MTMR7: variants seen among roughly 807,000 people sequenced by gnomAD.
MTMR7 encodes the protein myotubularin related protein 7, also known as phosphatidylinositol-3-phosphate phosphatase MTMR7.
MTMR7 carries 76 observed loss-of-function variants against 81.2 expected under a neutral mutation model. The observed-to-expected ratio is 0.94, with a 90% confidence interval of 0.78 to 1.13. The LOEUF is 1.13. Among genes scored for constraint, MTMR7 ranks in the 50% most tolerant of loss-of-function variants. The pLI is 0.00. For synonymous variants in MTMR7, 372 were observed against 289.8 expected, an observed-to-expected ratio of 1.28 and a Z score of -2.88; for missense variants, 1,044 against 820.0, an observed-to-expected ratio of 1.27 and a Z score of -3.34.
chr8:17,341,118 C>A (rs942720795), intron 6 of MTMR7, among the ~76,000 whole-genome samples: 9 of 152,212 alleles, frequency 5.9e-5, no homozygotes, highest in African/African-American at 1.9e-4. Flanking sequence ...TTTGGGTGCC[C>A]CTGTGTGCCC....
chr8:17,327,767 A>G (rs1465066100), intron 7 of MTMR7, among the ~76,000 whole-genome samples: 4 of 152,208 alleles, frequency 2.6e-5, no homozygotes, highest in African/African-American at 9.6e-5. Context: ...TAATTTGTAA[A>G]AAATTGGGTG....
chr8:17,315,875 GA>G (rs1209036065), intron 7 of MTMR7, among the ~76,000 whole-genome samples: 7 of 152,128 alleles, frequency 4.6e-5, no homozygotes, highest in Non-Finnish European at 8.8e-5. Flanking sequence ...GAGCGAGACT[GA>G]GTGGCACATG....
intron 4 of MTMR7, among the ~76,000 whole-genome samples, chr8:17,360,529 G>C (rs1442875080): frequency 6.7e-6 from 1 of 149,334 alleles, no homozygotes; most frequent in African/African-American, 2.5e-5. Context: ...CATTACTTTT[G>C]TTACTCAAAT....
chr8:17,352,430 A>G (rs1489574358), intron 4 of MTMR7, among the ~76,000 whole-genome samples: 1 of 152,228 alleles, frequency 6.6e-6, no homozygotes, highest in African/African-American at 2.4e-5. Flanking sequence ...CATATCTTGT[A>G]CTATATAAAA....
chr8:17,357,583 G>A (rs1186062012), intron 4 of MTMR7, among the ~76,000 whole-genome samples: 1 of 152,092 alleles, frequency 6.6e-6, no homozygotes, highest in Non-Finnish European at 1.5e-5. Flanking sequence ...ACAAAATGAT[G>A]TCGAGCAAAA....
rs577460019 is a variant in MTMR7, at chr8:17,341,930, T to C, written c.598-433A>G. Among the ~76,000 whole-genome samples the C allele has an allele frequency of 9.2e-5, 14 of 152,150 alleles. No individual in the cohort carries two copies. The South Asian group carries it at 2.7e-3, about 29-fold the overall frequency. On this transcript the variant is annotated intron_variant, in intron 5 of 13. Transcript: ENST00000180173. ...TAATGCTTTCCAACCTTTTTTTTTT[T>C]TAAACTAGCCCATCTAGAAACATCA...
chr8:17,315,423 A>G (rs55923541), intron 7 of MTMR7, among the ~76,000 whole-genome samples: 3,184 of 152,248 alleles, frequency 0.021, 136 homozygotes, highest in African/African-American at 0.073. Context: ...ACGTGTCAAA[A>G]CCCACAGAAT....
chr8:17,370,969 A>C, intron 3 of MTMR7, 68 bp downstream of exon 3: 2 of 1,512,048 alleles, frequency 1.3e-6, no homozygotes, highest in Non-Finnish European at 1.8e-6. Flanking sequence ...CACCATACAA[A>C]TTCTTGAATC....
chr8:17,349,090 A>G lies in MTMR7; in HGVS notation c.469-9T>C. On this transcript the variant is annotated splice_polypyrimidine_tract_variant and intron_variant, in intron 4 of 13. Coordinates refer to ENST00000180173, the MANE Select transcript of MTMR7 (RefSeq NM_004686.5). ...GGATAAGAGTCACAGACCTGTCACC[A>G]GAAAATACAAAGAGATTTTTAGGCC... 6.2e-7 allele frequency: 1 copy of G among 1,610,598 alleles called. No homozygotes were observed. Among genetic ancestry groups the G allele is most frequent in the Non-Finnish European group, 8.5e-7 (1 of 1,179,182 alleles).
intron 4 of MTMR7, 102 bp from the exon 5 acceptor site, chr8:17,349,183 G>A: frequency 2.1e-6 from 3 of 1,417,574 alleles, no homozygotes; most frequent in South Asian, 2.4e-5. Flanking sequence ...ACATCCTTAA[G>A]TTCCCTTAAC....
intron 1 of MTMR7, among the ~76,000 whole-genome samples, chr8:17,396,206 T>G (rs895616444): frequency 6.6e-6 from 1 of 151,556 alleles, no homozygotes; most frequent in African/African-American, 2.4e-5. Context: ...TCATCCTGCC[T>G]GCAAGAACAC....
chr8:17,386,898 G>C (rs1820959531), intron 1 of MTMR7, among the ~76,000 whole-genome samples: 1 of 152,182 alleles, frequency 6.6e-6, no homozygotes, highest in Non-Finnish European at 1.5e-5. Flanking sequence ...TGGGAGAGTG[G>C]ATGATGGGTG....
In MTMR7 at chr8:17,373,035, C is replaced by T. The variant is rs190929259; in HGVS notation, c.147+83G>A. 7 of 1,542,092 alleles carry T rather than the reference C, an allele frequency of 4.5e-6. No individual in the cohort carries two copies. In the East Asian group the frequency reaches 1.4e-4, roughly 30 times the overall value. On this transcript the variant is annotated intron_variant, in intron 2 of 13. Transcript: ENST00000180173. Reference sequence around the variant, plus strand: ...AGGCACAAAAGCCCACCCATCTCACCCTGAGGAAAAATGAATGGAGGGCAA... The same window carrying T: ...AGGCACAAAAGCCCACCCATCTCACTCTGAGGAAAAATGAATGGAGGGCAA...
At chr8:17,356,811 G>C (rs1022716577) in intron 4 of MTMR7, among the ~76,000 whole-genome samples, 4 of 152,124 alleles carry the variant, frequency 2.6e-5, no homozygotes, top group African/African-American at 9.7e-5. Context: ...GATCAACAAA[G>C]AAGAATACCA....
intron 1 of MTMR7, among the ~76,000 whole-genome samples, chr8:17,404,629 G>A (rs746994710): frequency 6.6e-6 from 1 of 151,994 alleles, no homozygotes; most frequent in Non-Finnish European, 1.5e-5. Flanking sequence ...GTATTCCTCT[G>A]CCATACTAGC....
intron 12 of MTMR7, among the ~76,000 whole-genome samples, chr8:17,303,610 CTTTT>C (rs10589081): frequency 7.8e-5 from 11 of 141,168 alleles, no homozygotes; most frequent in Admixed American, 1.4e-4. Context: ...TACATACAAT[CTTTT>C]TTTTTTTTTT....
intron 1 of MTMR7, among the ~76,000 whole-genome samples, chr8:17,374,960 G>A (rs1356121717): frequency 6.6e-6 from 1 of 152,028 alleles, no homozygotes; most frequent in African/African-American, 2.4e-5. Flanking sequence ...GTGGTGCCCG[G>A]CACCTATAAT....
chr8:17,378,319 T>C (rs1012448633), intron 1 of MTMR7, among the ~76,000 whole-genome samples: 5 of 152,220 alleles, frequency 3.3e-5, no homozygotes, highest in African/African-American at 9.6e-5. Flanking sequence ...AATTCAGTTG[T>C]CTTAGAAACG....
At chr8:17,309,397 G>C (rs1030656133) in intron 9 of MTMR7, 71 bp from the exon 10 acceptor site, 1 of 1,070,528 alleles carries the variant, frequency 9.3e-7, no homozygotes, top group South Asian at 1.3e-5. Context: ...AACCAATAAT[G>C]TTGAGGAATT....
Sources: gnomAD v4.1 joint callset for allele counts (sites outside exome capture counted in the v4.1 genomes callset) on GRCh38, gnomAD v4.1.1 for gene constraint, MANE v1.5 for transcripts, NCBI Gene and HGNC (gene_info 2026-07-23, HGNC 2026-07-21) for gene names.